Variants in STK39 observed in about 807,000 individuals in gnomAD.
The protein encoded by STK39 is STE20/SPS1-related proline-alanine-rich protein kinase.
Under a neutral mutation model 77.8 loss-of-function variants are expected in STK39, and 20 were observed. The ratio of observed to expected loss-of-function variants is 0.26; its 90% confidence interval spans 0.18 to 0.37. The LOEUF is 0.37. Among genes scored for constraint, STK39 ranks in the 10% least tolerant of loss-of-function variants. The pLI, the probability that STK39 is intolerant of heterozygous loss-of-function variation, is 1.00. For synonymous variants in STK39, 246 were observed against 234.1 expected (o/e 1.05, Z -0.47); for missense variants, 479 against 656.5 (o/e 0.73, Z 2.95).
At chr2:167,959,875 C>T (rs887246897) in intron 17 of STK39, among the ~76,000 whole-genome samples, 1 of 152,118 alleles carries the variant, frequency 6.6e-6, no homozygotes, top group Non-Finnish European at 1.5e-5. Context: ...CGGCTTTACA[C>T]CAACGTCAAC....
chr2:168,033,367 T>C (rs1684874686), intron 14 of STK39, among the ~76,000 whole-genome samples: 1 of 152,142 alleles, frequency 6.6e-6, no homozygotes, highest in Non-Finnish European at 1.5e-5. Context: ...AAGGGCTCTG[T>C]TCCATTGAAG....
At chr2:168,237,508 T>A (rs1399993491) in intron 1 of STK39, among the ~76,000 whole-genome samples, 1 of 152,198 alleles carries the variant, frequency 6.6e-6, no homozygotes, top group Non-Finnish European at 1.5e-5. Context: ...AGAGAGTGCA[T>A]CCCTGTCTTG....
intron 2 of STK39, among the ~76,000 whole-genome samples, chr2:168,181,500 C>G (rs1038321536): frequency 6.8e-6 from 1 of 146,754 alleles, no homozygotes; most frequent in African/African-American, 2.5e-5. Flanking sequence ...TAGCCAAATG[C>G]AAGCTACAGA....
chr2:168,224,240 C>T (rs1397677853), intron 1 of STK39, among the ~76,000 whole-genome samples: 1 of 152,020 alleles, frequency 6.6e-6, no homozygotes. Context: ...TCTTAGAGCA[C>T]TGTTATGCTA....
intron 14 of STK39, among the ~76,000 whole-genome samples, chr2:168,029,740 G>A (rs910107872): frequency 1.3e-5 from 2 of 152,184 alleles, no homozygotes; most frequent in African/African-American, 2.4e-5. Flanking sequence ...GAAAGTCTAT[G>A]TACTGATTAG....
intron 15 of STK39, 91 bp downstream of exon 15, chr2:168,016,952 G>A (rs956122019): frequency 2.9e-6 from 3 of 1,027,654 alleles, no homozygotes; most frequent in East Asian, 2.5e-5. Context: ...AAACAAAGCA[G>A]TTTTAAATAG....
intron 1 of STK39, among the ~76,000 whole-genome samples, chr2:168,195,672 G>A (rs1689450976): frequency 6.6e-6 from 1 of 152,196 alleles, no homozygotes; most frequent in Non-Finnish European, 1.5e-5. Flanking sequence ...TAATACTTAA[G>A]TCCATCCAGT....
intron 1 of STK39, among the ~76,000 whole-genome samples, chr2:168,231,532 GCTGCAAGAA>G (rs930316692): frequency 6.6e-6 from 1 of 151,766 alleles, no homozygotes; most frequent in Non-Finnish European, 1.5e-5. Flanking sequence ...CACCAGAGCT[GCTGCAAGAA>G]CATGTTTTTC....
chr2:167,983,206 G>C (rs1022959273), intron 16 of STK39, among the ~76,000 whole-genome samples: 1 of 152,128 alleles, frequency 6.6e-6, no homozygotes, highest in Non-Finnish European at 1.5e-5. Flanking sequence ...TAGGCCAGGT[G>C]CGGTGGTTCG....
intron 12 of STK39, among the ~76,000 whole-genome samples, chr2:168,072,971 T>C (rs557469221): frequency 1.3e-5 from 2 of 152,218 alleles, no homozygotes; most frequent in African/African-American, 2.4e-5. Flanking sequence ...ATGTATCCTT[T>C]CACAGAAATA....
intron 1 of STK39, among the ~76,000 whole-genome samples, chr2:168,242,700 T>C (rs1174919284): frequency 1.4e-5 from 2 of 147,566 alleles, no homozygotes; most frequent in African/African-American, 5.0e-5. Flanking sequence ...TTGGGCAACA[T>C]AGTGAGACCC....
chr2:168,149,006 G>T (rs1688213064), intron 5 of STK39, among the ~76,000 whole-genome samples: 1 of 152,192 alleles, frequency 6.6e-6, no homozygotes, highest in South Asian at 2.1e-4. Context: ...ATCAGTTCTT[G>T]GAGCACACAC....
chr2:168,133,057 T>A (rs1482493056), intron 8 of STK39, among the ~76,000 whole-genome samples: 1 of 152,180 alleles, frequency 6.6e-6, no homozygotes, highest in East Asian at 1.9e-4. Context: ...ACAGAGGAAG[T>A]GCCAACGTAA....
At chr2:167,990,441 G>A (rs1436160559) in intron 16 of STK39, among the ~76,000 whole-genome samples, 1 of 152,178 alleles carries the variant, frequency 6.6e-6, no homozygotes, top group East Asian at 1.9e-4. Flanking sequence ...GCACTGTTCT[G>A]AACAAGATAT....
intron 4 of STK39, among the ~76,000 whole-genome samples, chr2:168,162,765 C>A (rs997632129): frequency 1.3e-5 from 2 of 152,042 alleles, no homozygotes; most frequent in Non-Finnish European, 2.9e-5. Flanking sequence ...CAGTGGCTCA[C>A]GCCTGTAATC....
chr2:168,040,225 TGTACAG>T (rs1295879090), intron 14 of STK39, among the ~76,000 whole-genome samples: 1 of 152,136 alleles, frequency 6.6e-6, no homozygotes, highest in Non-Finnish European at 1.5e-5. Flanking sequence ...TTTGGATAAA[TGTACAG>T]GTGGACAGAT....
chr2:168,107,166 AAAGTCAG>A (rs1686997404), intron 10 of STK39, among the ~76,000 whole-genome samples: 1 of 152,220 alleles, frequency 6.6e-6, no homozygotes, highest in East Asian at 1.9e-4. Context: ...TATTAAATCG[AAAGTCAG>A]AAGGTGACTG....
intron 5 of STK39, among the ~76,000 whole-genome samples, chr2:168,148,064 T>C (rs968032520): frequency 2.6e-5 from 4 of 152,234 alleles, no homozygotes; most frequent in Non-Finnish European, 5.9e-5. Flanking sequence ...TAGGCCATAA[T>C]TCAGCATTTA....
chr2:168,120,948 T>C (rs1233445152), intron 10 of STK39, among the ~76,000 whole-genome samples: 2 of 151,816 alleles, frequency 1.3e-5, no homozygotes, highest in African/African-American at 2.4e-5. Context: ...CCTGCAATGA[T>C]GCCTGCAGCA....
Sources: gnomAD v4.1 joint callset for allele counts (sites outside exome capture counted in the v4.1 genomes callset) on GRCh38, gnomAD v4.1.1 for gene constraint, MANE v1.5 for transcripts, NCBI Gene and HGNC (gene_info 2026-07-23, HGNC 2026-07-21) for gene names.